SLC14A2: variants seen among roughly 807,000 people sequenced by gnomAD.
The protein encoded by SLC14A2 is solute carrier family 14 member 2.
A neutral mutation model predicts 104.6 loss-of-function variants in SLC14A2; 91 were observed. The observed-to-expected ratio is 0.87, with a 90% CI of 0.73 to 1.04. The LOEUF (loss-of-function observed/expected upper bound fraction) is 1.04. SLC14A2 is among the 50% of genes least tolerant of loss of function. The pLI, the probability that SLC14A2 is intolerant of heterozygous loss-of-function variation, is 0.00. For synonymous variants in SLC14A2, 476 were observed against 466.4 expected (o/e 1.02, Z -0.27); for missense variants, 1,189 against 1,156.0 (o/e 1.03, Z -0.41).
chr18:45,468,504 G>A (rs1472484024), intron 1 of SLC14A2, among the ~76,000 whole-genome samples: 2 of 151,932 alleles, frequency 1.3e-5, no homozygotes, highest in Non-Finnish European at 1.5e-5. Context: ...GTGACATACT[G>A]TGTGGTCTTG....
chr18:45,191,108 C>T, the SLC14A2 span, among the ~76,000 whole-genome samples: 1 of 152,082 alleles, frequency 6.6e-6, no homozygotes, highest in Non-Finnish European at 1.5e-5. Flanking sequence ...CCCAGCTTTC[C>T]TCCTCTTGGT....
chr18:45,200,975 T>G, the SLC14A2 span, among the ~76,000 whole-genome samples: 1 of 152,252 alleles, frequency 6.6e-6, no homozygotes, highest in East Asian at 1.9e-4. Flanking sequence ...CATTTAGTCA[T>G]TATGTCTCTT....
intron 1 of SLC14A2, among the ~76,000 whole-genome samples, chr18:45,282,234 G>A (rs533355472): frequency 6.6e-6 from 1 of 152,276 alleles, no homozygotes; most frequent in South Asian, 2.1e-4. Context: ...GTCCAGGCTG[G>A]CTTGAAATGA....
chr18:45,547,620 C>T lies in SLC14A2; in HGVS notation c.-35+64298C>T, dbSNP rs569785864. ...AGCCCCTTGTGGGCCTTCTGATGACCGCCTTGTGATCTTGGGCTCATTTAG... is the reference window on the plus strand; with the variant it reads ...AGCCCCTTGTGGGCCTTCTGATGACTGCCTTGTGATCTTGGGCTCATTTAG... On this transcript the variant is annotated intron_variant, in intron 2 of 20. Coordinates refer to the SLC14A2 transcript ENST00000586448. Among the ~76,000 whole-genome samples, 20 of 152,308 alleles carry T rather than the reference C, an allele frequency of 1.3e-4. No individual in the cohort carries two copies. The South Asian group carries it at 3.3e-3, about 25-fold the overall frequency.
At chr18:45,583,153 TC>T (rs2144365021) in intron 2 of SLC14A2, among the ~76,000 whole-genome samples, 1 of 152,338 alleles carries the variant, frequency 6.6e-6, no homozygotes, top group South Asian at 2.1e-4. Flanking sequence ...ACAGCTTTCT[TC>T]CTTGTGCTCT....
intron 2 of SLC14A2, among the ~76,000 whole-genome samples, chr18:45,491,186 G>GA: frequency 6.6e-6 from 1 of 152,254 alleles, no homozygotes; most frequent in South Asian, 2.1e-4. Flanking sequence ...TTACAATATT[G>GA]AAAATTGGAA....
At chr18:45,556,653 C>T (rs931288338) in intron 2 of SLC14A2, among the ~76,000 whole-genome samples, 1 of 152,164 alleles carries the variant, frequency 6.6e-6, no homozygotes, top group African/African-American at 2.4e-5. Flanking sequence ...TTAAATGAGA[C>T]AATATATATT....
intron 1 of SLC14A2, among the ~76,000 whole-genome samples, chr18:45,310,935 T>G (rs904667830): frequency 2.0e-5 from 3 of 152,156 alleles, no homozygotes; most frequent in African/African-American, 7.2e-5. Flanking sequence ...TGGCACTCTT[T>G]GTTGGCCTAG....
At chr18:45,304,223 A>C (rs1158494196) in intron 1 of SLC14A2, among the ~76,000 whole-genome samples, 1 of 152,230 alleles carries the variant, frequency 6.6e-6, no homozygotes, top group Admixed American at 6.5e-5. Context: ...AATGTATTTT[A>C]CTTTTTAATA....
chr18:45,550,551 A>G (rs951560827), intron 2 of SLC14A2, among the ~76,000 whole-genome samples: 1 of 152,174 alleles, frequency 6.6e-6, no homozygotes, highest in Non-Finnish European at 1.5e-5. Context: ...TGTGCCTGAC[A>G]CTTATCAGGA....
chr18:45,280,815 T>G (rs2084754808), intron 1 of SLC14A2, among the ~76,000 whole-genome samples: 1 of 152,194 alleles, frequency 6.6e-6, no homozygotes, highest in African/African-American at 2.4e-5. Context: ...GAATCATCTC[T>G]GAAGAGGTAG....
chr18:45,438,127 G>T (rs1468365202), intron 1 of SLC14A2: 1 of 152,190 alleles, frequency 6.6e-6, no homozygotes, highest in Non-Finnish European at 1.5e-5. Flanking sequence ...CTTTCAGTAA[G>T]TATACAATGT....
intron 1 of SLC14A2, among the ~76,000 whole-genome samples, chr18:45,417,171 C>A (rs776265516): frequency 3.6e-4 from 55 of 152,176 alleles, no homozygotes; most frequent in Non-Finnish European, 5.3e-4. Flanking sequence ...TGAAAAGTCA[C>A]CTTACAAAAT....
At position 45,642,044 on chromosome 18, in the gene SLC14A2, C is replaced by T. The variant is rs529576004; in HGVS notation, c.1126+701C>T. Among the ~76,000 whole-genome samples the T allele has an allele frequency of 9.0e-4, 137 of 152,298 alleles. 1 individual carries two copies. Among genetic ancestry groups the T allele is most frequent in the Admixed American group, 1.4e-3 (21 of 15,296 alleles). ...GATGAGGAAATGAGGCTCAGAGGGG[C>T]TAATTAACTTGCCCTAGAAGATAGC... On this transcript the variant is annotated intron_variant, in intron 8 of 19. Coordinates refer to ENST00000255226, the MANE Select transcript of SLC14A2 (RefSeq NM_007163.4).
At chr18:45,322,219 A>G (rs1375816299) in intron 1 of SLC14A2, among the ~76,000 whole-genome samples, 1 of 152,234 alleles carries the variant, frequency 6.6e-6, no homozygotes, top group Non-Finnish European at 1.5e-5. Context: ...ACATTTGTAG[A>G]TAGAATAAAT....
the SLC14A2 span, among the ~76,000 whole-genome samples, chr18:45,178,578 C>A: frequency 6.6e-6 from 1 of 152,046 alleles, no homozygotes; most frequent in African/African-American, 2.4e-5. Flanking sequence ...GAGGAAGGAG[C>A]TAGAATAATT....
chr18:45,427,718 G>T (rs1598797776), intron 1 of SLC14A2, among the ~76,000 whole-genome samples: 1 of 152,128 alleles, frequency 6.6e-6, no homozygotes, highest in Non-Finnish European at 1.5e-5. Context: ...AATTAAATGG[G>T]ATCAGAAATG....
At position 45,668,474 on chromosome 18, in the gene SLC14A2, C is replaced by A; in HGVS notation, c.2033C>A (p.Ser678Tyr). 6.2e-7 allele frequency: 1 copy of A among 1,614,140 alleles called. No individual in the cohort carries two copies. The highest frequency in any genetic ancestry group is 8.5e-7 in the Non-Finnish European group (1 of 1,180,004). The change falls in exon 15 of 20, where the codon TCT becomes TAT. Residue 678 changes from serine (S) to tyrosine (Y), a missense_variant. Ser to Tyr is a moderately radical substitution (Grantham distance 144). Transcript: ENST00000255226. Reference sequence around the variant, plus strand: ...CTACCCGTCATCATCATGTCCATGTCTTGGTAAGTTTGCTTTTGAAGGGTT... The same window carrying A: ...CTACCCGTCATCATCATGTCCATGTATTGGTAAGTTTGCTTTTGAAGGGTT... ...LLLPVIIMSM[S>Y]CPILSSALGT...
intron 8 of SLC14A2, among the ~76,000 whole-genome samples, chr18:45,641,869 T>G (rs1185838171): frequency 6.6e-6 from 1 of 152,230 alleles, no homozygotes; most frequent in Non-Finnish European, 1.5e-5. Context: ...TCGATTTCCA[T>G]AAACAGAGAA....
Sources: gnomAD v4.1 joint callset for allele counts (sites outside exome capture counted in the v4.1 genomes callset) on GRCh38, gnomAD v4.1.1 for gene constraint, MANE v1.5 for transcripts, NCBI Gene and HGNC (gene_info 2026-07-23, HGNC 2026-07-21) for gene names.